The following CYYR1 variants were observed in gnomAD, a reference collection of about 807,000 sequenced individuals.
CYYR1 encodes cysteine and tyrosine-rich protein 1.
A neutral mutation model predicts 15.2 loss-of-function variants in CYYR1; 14 were observed. The observed-to-expected ratio is 0.92, with a 90% CI of 0.61 to 1.44. The LOEUF (loss-of-function observed/expected upper bound fraction) is 1.44, where lower values mean the gene tolerates loss of function less well. Among genes scored for constraint, CYYR1 ranks in the 40% most tolerant of loss-of-function variants. CYYR1 has a pLI of 0.00. For synonymous variants in CYYR1, 80 were observed against 77.4 expected (o/e 1.03, Z -0.18); for missense variants, 228 against 209.5 (o/e 1.09, Z -0.54).
Position 26,513,460 on chromosome 21 carries a change from T to C in CYYR1, c.177-33031A>G, listed in dbSNP as rs79070021. 1.3e-4 allele frequency among the ~76,000 whole-genome samples: 20 copies of C among 152,234 alleles called. No homozygotes were observed. In the East Asian group the frequency reaches 3.9e-3, roughly 29 times the overall value. Reference sequence around the variant, plus strand: ...GGGTCCAGGGGAAATTCCAGTGGTGTGGCAAAAGATCCAAGTTAGTGCTCC... The same window carrying C: ...GGGTCCAGGGGAAATTCCAGTGGTGCGGCAAAAGATCCAAGTTAGTGCTCC... On this transcript the variant is annotated intron_variant, in intron 2 of 3. Coordinates refer to ENST00000652641, the MANE Select transcript of CYYR1 (RefSeq NM_001320768.2).
At chr21:26,531,831 A>G (rs2065934065) in intron 2 of CYYR1, among the ~76,000 whole-genome samples, 1 of 152,174 alleles carries the variant, frequency 6.6e-6, no homozygotes, top group Non-Finnish European at 1.5e-5. Flanking sequence ...ACAGCGTGCT[A>G]GCCAGCAGTG....
intron 3 of CYYR1, among the ~76,000 whole-genome samples, chr21:26,472,007 G>A (rs1421076329): frequency 6.6e-6 from 1 of 152,156 alleles, no homozygotes; most frequent in African/African-American, 2.4e-5. Flanking sequence ...GATGCGTGGT[G>A]TTACCCAAAC....
intron 2 of CYYR1, chr21:26,551,405 A>T: frequency 6.6e-6 from 1 of 152,656 alleles, no homozygotes; most frequent in East Asian, 1.9e-4. Flanking sequence ...ACACATAGTT[A>T]TTCCTGTGAT....
chr21:26,499,162 T>TA (rs1363809132), intron 2 of CYYR1, among the ~76,000 whole-genome samples: 3 of 152,190 alleles, frequency 2.0e-5, no homozygotes, highest in Admixed American at 6.5e-5. Context: ...CCCTGAACCA[T>TA]ATTTGGAAAG....
intron 2 of CYYR1, among the ~76,000 whole-genome samples, chr21:26,496,354 GA>G (rs1275636968): frequency 6.6e-6 from 1 of 152,070 alleles, no homozygotes; most frequent in Non-Finnish European, 1.5e-5. Flanking sequence ...TGTGGAACTG[GA>G]AAAGAAGAAT....
chr21:26,563,453 T>A (rs1359665483), intron 2 of CYYR1, among the ~76,000 whole-genome samples: 1 of 152,220 alleles, frequency 6.6e-6, no homozygotes, highest in Admixed American at 6.5e-5. Context: ...CTGCCTGTAA[T>A]CCCAGCTACT....
chr21:26,517,886 A>G (rs972276351), intron 2 of CYYR1, among the ~76,000 whole-genome samples: 1 of 152,128 alleles, frequency 6.6e-6, no homozygotes, highest in Non-Finnish European at 1.5e-5. Context: ...CCTGTAAGAG[A>G]TGCCAGAAGA....
chr21:26,478,292 T>C (rs2065128678), intron 3 of CYYR1, among the ~76,000 whole-genome samples: 1 of 151,186 alleles, frequency 6.6e-6, no homozygotes, highest in Non-Finnish European at 1.5e-5. Flanking sequence ...AAATAGGGTG[T>C]ATTAAATCAG....
intron 2 of CYYR1, among the ~76,000 whole-genome samples, chr21:26,519,109 C>A (rs1261504610): frequency 6.6e-6 from 1 of 152,082 alleles, no homozygotes; most frequent in East Asian, 1.9e-4. Context: ...CCAATCTATT[C>A]ATTCATTTGA....
chr21:26,468,687 T>G, intron 3 of CYYR1, 53 bp from the exon 4 acceptor site: 1 of 1,406,604 alleles, frequency 7.1e-7, no homozygotes. Flanking sequence ...TTTGCATTTC[T>G]ACTGTGTTGA....
At chr21:26,517,097 A>G (rs1290395045) in intron 2 of CYYR1, among the ~76,000 whole-genome samples, 1 of 125,444 alleles carries the variant, frequency 8.0e-6, no homozygotes, top group Non-Finnish European at 1.6e-5. Context: ...CCTGGGCGAC[A>G]GAGCGAGACT....
Position 26,468,594 on chromosome 21 carries a change from G to A in CYYR1, c.375C>T (p.Tyr125=). The A allele has an allele frequency of 6.2e-7, 1 of 1,612,948 alleles. No homozygotes were observed. The highest frequency in any genetic ancestry group is 8.5e-7 in the Non-Finnish European group (1 of 1,179,398). The stretch of plus-strand genomic sequence containing the variant: ...AGTATGGAGGAGGCAAGTCTGCACA[G>A]TATTCCATCTCGTGGTCGTGACCGT... ...PPYGHDHEME[Y]CADLPPPYSP... is the part of the protein sequence containing the mutation. The change falls in exon 4 of 4, where the codon TAC becomes TAT. Residue 125 remains tyrosine (Y), a synonymous_variant. Coordinates refer to ENST00000652641, the MANE Select transcript of CYYR1 (RefSeq NM_001320768.2).
intron 2 of CYYR1, among the ~76,000 whole-genome samples, chr21:26,509,201 C>T (rs1027824638): frequency 6.6e-6 from 1 of 152,180 alleles, no homozygotes; most frequent in Non-Finnish European, 1.5e-5. Flanking sequence ...CCCTCTCAGT[C>T]ACTGTATTCA....
intron 2 of CYYR1, among the ~76,000 whole-genome samples, chr21:26,492,235 A>G (rs576654709): frequency 7.7e-4 from 117 of 152,344 alleles, no homozygotes; most frequent in African/African-American, 2.1e-3. Context: ...TTAGATCTCA[A>G]TCTCATCTTA....
At chr21:26,545,137 T>C (rs1383316804) in intron 2 of CYYR1, among the ~76,000 whole-genome samples, 1 of 152,094 alleles carries the variant, frequency 6.6e-6, no homozygotes, top group Non-Finnish European at 1.5e-5. Context: ...AACATATTAC[T>C]TTTTTATTGA....
chr21:26,548,046 TCACTTA>T (rs1028373657), intron 2 of CYYR1, among the ~76,000 whole-genome samples: 96 of 152,330 alleles, frequency 6.3e-4, no homozygotes, highest in African/African-American at 2.1e-3. Flanking sequence ...CACTATTTTA[TCACTTA>T]TTTTTGGCAC....
chr21:26,519,612 C>T (rs974204135), intron 2 of CYYR1, among the ~76,000 whole-genome samples: 4 of 152,158 alleles, frequency 2.6e-5, no homozygotes, highest in Admixed American at 6.5e-5. Context: ...AGTACTGAAG[C>T]GTTTTGAGCA....
intron 2 of CYYR1, among the ~76,000 whole-genome samples, chr21:26,517,114 CAAAAAAAAAAA>C (rs61352955): frequency 1.1e-4 from 5 of 46,694 alleles, no homozygotes; most frequent in Admixed American, 3.5e-4. Flanking sequence ...GACTCCGTCT[CAAAAAAAAAAA>C]AAAAAAAAAA....
At chr21:26,514,139 T>C (rs943701672) in intron 2 of CYYR1, among the ~76,000 whole-genome samples, 1 of 152,044 alleles carries the variant, frequency 6.6e-6, no homozygotes, top group Admixed American at 6.6e-5. Flanking sequence ...GTCCCAGACG[T>C]TGGGTGGGGG....
Sources: gnomAD v4.1 joint callset for allele counts (sites outside exome capture counted in the v4.1 genomes callset) on GRCh38, gnomAD v4.1.1 for gene constraint, MANE v1.5 for transcripts, NCBI Gene and HGNC (gene_info 2026-07-23, HGNC 2026-07-21) for gene names.